Variants in LDHC observed in about 807,000 individuals in gnomAD.
The protein encoded by LDHC is L-lactate dehydrogenase C chain.
In LDHC, 20 loss-of-function variants were observed where a neutral mutation model predicts 30.2. The ratio of observed to expected loss-of-function variants is 0.66; its 90% CI spans 0.47 to 0.96. The LOEUF is 0.96. Ranked by LOEUF, LDHC falls within the 40% of genes least tolerant of loss-of-function variation. The pLI, the probability that LDHC is intolerant of heterozygous loss-of-function variation, is 0.00. For missense variants in LDHC, 362 were observed against 394.9 expected, an observed-to-expected ratio of 0.92 and a Z score of 0.71; for synonymous variants, 139 against 132.7, an observed-to-expected ratio of 1.05 and a Z score of -0.32.
intron 3 of LDHC, among the ~76,000 whole-genome samples, chr11:18,418,244 T>A (rs113313458): frequency 0.017 from 2,475 of 148,640 alleles, 80 homozygotes; most frequent in African/African-American, 0.058. Context: ...AAATACATAA[T>A]TATATTTGGG....
At chr11:18,437,468 C>T (rs951646315) in intron 5 of LDHC, among the ~76,000 whole-genome samples, 1 of 152,096 alleles carries the variant, frequency 6.6e-6, no homozygotes, top group Non-Finnish European at 1.5e-5. Context: ...AATACCTGGC[C>T]AGGGCCGGGC....
intron 7 of LDHC, 78 bp downstream of exon 7, chr11:18,446,411 A>G: frequency 2.8e-6 from 3 of 1,074,258 alleles, no homozygotes; most frequent in East Asian, 2.4e-5. Flanking sequence ...CAGGCAGTGT[A>G]CAAGATGTTG....
chr11:18,442,455 T>C (rs1301924148), intron 6 of LDHC, among the ~76,000 whole-genome samples: 1 of 152,160 alleles, frequency 6.6e-6, no homozygotes, highest in Non-Finnish European at 1.5e-5. Context: ...CTTCAATATT[T>C]TATAAATAGA....
At chr11:18,446,034 A>G (rs1848547577) in intron 6 of LDHC, among the ~76,000 whole-genome samples, 176 bp from the exon 7 acceptor site, 1 of 152,232 alleles carries the variant, frequency 6.6e-6, no homozygotes, top group Non-Finnish European at 1.5e-5. Context: ...AAGTTTTATT[A>G]GACCAGTATA....
At chr11:18,447,904 C>T (rs1848582171) in intron 7 of LDHC, among the ~76,000 whole-genome samples, 1 of 151,884 alleles carries the variant, frequency 6.6e-6, no homozygotes, top group Admixed American at 6.6e-5. Context: ...CAAAAATTAG[C>T]TGAGTATGGT....
chr11:18,413,177 G>A (rs749071778), intron 2 of LDHC, among the ~76,000 whole-genome samples: 1 of 151,762 alleles, frequency 6.6e-6, no homozygotes, highest in Non-Finnish European at 1.5e-5. Context: ...CACCTCCCGG[G>A]ATCAAGCGAT....
intron 6 of LDHC, among the ~76,000 whole-genome samples, chr11:18,444,450 G>A (rs1476171558): frequency 4.0e-5 from 6 of 151,286 alleles, no homozygotes; most frequent in African/African-American, 1.5e-4. Flanking sequence ...ACTTACCCCC[G>A]GAGTCTTGGC....
intron 6 of LDHC, among the ~76,000 whole-genome samples, chr11:18,443,961 AAAT>A (rs1288733599): frequency 6.6e-6 from 1 of 152,216 alleles, no homozygotes; most frequent in Admixed American, 6.5e-5. Context: ...CTATAATTAT[AAAT>A]AATCCTCAGG....
chr11:18,437,835 C>T (rs758257476), intron 5 of LDHC, among the ~76,000 whole-genome samples: 1 of 151,614 alleles, frequency 6.6e-6, no homozygotes, highest in South Asian at 2.1e-4. Flanking sequence ...GAGGCCAACG[C>T]GTGTGGATCA....
rs200931594 is a variant in LDHC, at chr11:18,426,232, T to TA, written c.245-3503dup. On this transcript the variant is annotated intron_variant, in intron 3 of 7. Coordinates refer to ENST00000541669, the MANE Select transcript of LDHC (RefSeq NM_017448.5). ...CAGGTGCATGGAACATAGAGGCTGC[T>TA]AAGATATTTATGGACCAGGTGTGGT... is the stretch of plus-strand genomic sequence containing the variant. Among the ~76,000 whole-genome samples the TA allele has an allele frequency of 3.7e-3, 554 of 151,744 alleles. 8 individuals carry two copies. Among genetic ancestry groups the TA allele is most frequent in the African/African-American group, 0.013 (536 of 41,404 alleles).
intron 4 of LDHC, among the ~76,000 whole-genome samples, chr11:18,432,283 T>G (rs111881128): frequency 2.0e-4 from 30 of 152,332 alleles, no homozygotes; most frequent in African/African-American, 7.0e-4. Context: ...TGAAGGTTCC[T>G]TTTGGAGTTG....
At chr11:18,441,278 C>T (rs1565056630) in intron 6 of LDHC, among the ~76,000 whole-genome samples, 1 of 151,952 alleles carries the variant, frequency 6.6e-6, no homozygotes, top group Non-Finnish European at 1.5e-5. Context: ...AGGAAGAAAA[C>T]ACAGTATAGC....
At chr11:18,425,643 T>A (rs1407223284) in intron 3 of LDHC, among the ~76,000 whole-genome samples, 1 of 152,168 alleles carries the variant, frequency 6.6e-6, no homozygotes, top group Non-Finnish European at 1.5e-5. Flanking sequence ...TAGAACATTT[T>A]AAAAATACAT....
chr11:18,425,930 G>A (rs1848153136), intron 3 of LDHC, among the ~76,000 whole-genome samples: 1 of 150,350 alleles, frequency 6.7e-6, no homozygotes, highest in Admixed American at 6.7e-5. Flanking sequence ...AACAGAGCGA[G>A]ACTCTGTCTC....
chr11:18,416,068 G>A (rs1245813235), intron 3 of LDHC, among the ~76,000 whole-genome samples: 2 of 147,526 alleles, frequency 1.4e-5, no homozygotes, highest in East Asian at 3.9e-4. Flanking sequence ...TTGGAAAACA[G>A]AAAGTATAAA....
Position 18,451,114 on chromosome 11 carries a change from A to T in LDHC, c.986A>T (p.Asp329Val), listed in dbSNP as rs781224542. ...SAETLWNIQKDLIF is the reference protein window; with the variant it reads ...SAETLWNIQKVLIF ...GAAACACTTTGGAATATTCAAAAGG[A>T]TCTAATATTTTAAATTAAAGCCTTC... The change falls in exon 8 of 8, where the codon GAT becomes GTT. Residue 329 changes from aspartate to valine, a missense_variant. By Grantham distance (152) the Asp-to-Val change is radical. Coordinates refer to ENST00000541669, the MANE Select transcript of LDHC (RefSeq NM_017448.5). 2 of 1,515,818 alleles carry T rather than the reference A, an allele frequency of 1.3e-6. No homozygotes were observed. Among genetic ancestry groups the T allele is most frequent in the South Asian group, 1.3e-5 (1 of 74,328 alleles). The allele number at this position is 1,515,818 out of a possible 1,614,324, so 93.9% of individuals were successfully genotyped here. A position where few individuals can be genotyped will look rare whatever the true frequency, so the allele number is the denominator to read the frequency against.
chr11:18,442,864 T>C (rs1431459338), intron 6 of LDHC, among the ~76,000 whole-genome samples: 1 of 152,036 alleles, frequency 6.6e-6, no homozygotes, highest in Admixed American at 6.6e-5. Context: ...GGTTTCACCA[T>C]GTTGGTCAAA....
At chr11:18,424,376 T>G (rs989974018) in intron 3 of LDHC, among the ~76,000 whole-genome samples, 1 of 148,676 alleles carries the variant, frequency 6.7e-6, no homozygotes, top group South Asian at 2.1e-4. Context: ...AATGAAACTC[T>G]GTCTCAAAAA....
chr11:18,439,947 G>A (rs1283147609), intron 6 of LDHC, among the ~76,000 whole-genome samples: 1 of 149,734 alleles, frequency 6.7e-6, no homozygotes, highest in Admixed American at 6.7e-5. Context: ...AGCCAATATT[G>A]TGCCAGTGCA....
Sources: gnomAD v4.1 joint callset for allele counts (sites outside exome capture counted in the v4.1 genomes callset) on GRCh38, gnomAD v4.1.1 for gene constraint, MANE v1.5 for transcripts, NCBI Gene and HGNC (gene_info 2026-07-23, HGNC 2026-07-21) for gene names.